Variants in KCND2 observed in about 807,000 individuals in gnomAD.
The protein encoded by KCND2 is potassium voltage-gated channel subfamily D member 2.
KCND2 carries 16 observed loss-of-function variants against 54.4 expected under a neutral mutation model. The observed-to-expected ratio is 0.29, with a 90% confidence interval of 0.20 to 0.45. The LOEUF is 0.45. Ranked by LOEUF, KCND2 falls within the 20% of genes least tolerant of loss-of-function variation. The pLI, the probability that KCND2 is intolerant of heterozygous loss-of-function variation, is 1.00. For missense variants in KCND2, 486 were observed against 824.2 expected, an observed-to-expected ratio of 0.59 and a Z score of 5.02; for synonymous variants, 317 against 310.7, an observed-to-expected ratio of 1.02 and a Z score of -0.21.
At chr7:120,704,935 T>G (rs1792447305) in intron 1 of KCND2, among the ~76,000 whole-genome samples, 2 of 152,154 alleles carry the variant, frequency 1.3e-5, no homozygotes, top group South Asian at 4.1e-4. Flanking sequence ...TTAAATGATA[T>G]AAAGAGTAAA....
intron 1 of KCND2, among the ~76,000 whole-genome samples, chr7:120,405,284 A>G (rs1801334635): frequency 6.6e-6 from 1 of 152,158 alleles, no homozygotes; most frequent in Admixed American, 6.6e-5. Context: ...TGCTAGTTCA[A>G]GCCAACTTTA....
intron 1 of KCND2, among the ~76,000 whole-genome samples, chr7:120,701,455 T>C (rs1275472074): frequency 6.6e-6 from 1 of 152,046 alleles, no homozygotes; most frequent in African/African-American, 2.4e-5. Flanking sequence ...CAAGTGCTCA[T>C]ATTCAAAAGG....
At chr7:120,496,817 T>C (rs1802855202) in intron 1 of KCND2, among the ~76,000 whole-genome samples, 1 of 152,218 alleles carries the variant, frequency 6.6e-6, no homozygotes, top group Non-Finnish European at 1.5e-5. Flanking sequence ...TACTCCAGTT[T>C]GTGTTATAAT....
intron 1 of KCND2, among the ~76,000 whole-genome samples, chr7:120,310,986 T>C (rs1353804736): frequency 1.3e-5 from 2 of 151,798 alleles, no homozygotes; most frequent in Non-Finnish European, 2.9e-5. Flanking sequence ...TTACATATAT[T>C]GCTTGTATTT....
intron 1 of KCND2, among the ~76,000 whole-genome samples, chr7:120,475,286 G>T (rs989836902): frequency 6.6e-6 from 1 of 152,160 alleles, no homozygotes; most frequent in Non-Finnish European, 1.5e-5. Context: ...TAGTGTATAT[G>T]TATCAAGAGA....
Position 120,445,869 on chromosome 7 carries a change from C to T in KCND2, c.1115+170122C>T, listed in dbSNP as rs543479713. Among the ~76,000 whole-genome samples, 10 of 152,160 alleles carry T rather than the reference C, an allele frequency of 6.6e-5. No homozygotes were observed. The East Asian group carries it at 1.7e-3, about 26-fold the overall frequency. The stretch of plus-strand genomic sequence containing the variant: ...AAATAACCAAGAATGGAACCTATTA[C>T]TTAATCTGTATGAAATGTTTTATCT... On this transcript the variant is annotated intron_variant, in intron 1 of 5. Coordinates refer to ENST00000331113, the MANE Select transcript of KCND2 (RefSeq NM_012281.3).
chr7:120,619,616 A>G (rs1026466815), intron 1 of KCND2, among the ~76,000 whole-genome samples: 3 of 152,218 alleles, frequency 2.0e-5, no homozygotes, highest in Admixed American at 1.3e-4. Flanking sequence ...TTCACTGTTC[A>G]TGCAGACACT....
In KCND2 at chr7:120,390,396, A is replaced by T. The variant is rs934002319; in HGVS notation, c.1115+114649A>T. On this transcript the variant is annotated intron_variant, in intron 1 of 5. Transcript: ENST00000331113. ...ATTTACGGAGGATTTACCACATGCC[A>T]GTACTTATGGTCAGCACTTACATAT... is the stretch of plus-strand genomic sequence containing the variant. Among the ~76,000 whole-genome samples the T allele has an allele frequency of 1.4e-4, 22 of 152,126 alleles. 1 individual carries two copies.
Position 120,605,942 on chromosome 7 carries a change from G to T in KCND2, c.1116-126961G>T, listed in dbSNP as rs991252075. On this transcript the variant is annotated intron_variant, in intron 1 of 5. Transcript: ENST00000331113. Reference sequence around the variant, plus strand: ...GTCCACATGTCATAGGAGGGACCTGGTGGAAGGTAATTGAATCATGGGGAC... The same window carrying T: ...GTCCACATGTCATAGGAGGGACCTGTTGGAAGGTAATTGAATCATGGGGAC... Among the ~76,000 whole-genome samples, 8 of 152,270 alleles carry T rather than the reference G, an allele frequency of 5.3e-5. No individual in the cohort carries two copies. In the South Asian group the frequency reaches 1.5e-3, roughly 28 times the overall value.
intron 1 of KCND2, among the ~76,000 whole-genome samples, chr7:120,630,834 T>C (rs1046648683): frequency 6.6e-6 from 1 of 152,180 alleles, no homozygotes; most frequent in Non-Finnish European, 1.5e-5. Flanking sequence ...TGAAAATTAT[T>C]CTTGCCAGAA....
intron 1 of KCND2, among the ~76,000 whole-genome samples, chr7:120,329,957 A>G (rs957974280): frequency 3.9e-5 from 6 of 152,168 alleles, no homozygotes; most frequent in Non-Finnish European, 7.3e-5. Context: ...TTGCATCTGT[A>G]GATTATTAAT....
intron 1 of KCND2, among the ~76,000 whole-genome samples, chr7:120,288,406 T>G (rs1799380588): frequency 6.6e-6 from 1 of 152,106 alleles, no homozygotes; most frequent in Non-Finnish European, 1.5e-5. Flanking sequence ...TAATCACATG[T>G]AAGGGATTTC....
intron 1 of KCND2, among the ~76,000 whole-genome samples, chr7:120,663,783 T>G (rs1791893860): frequency 6.6e-6 from 1 of 152,208 alleles, no homozygotes; most frequent in Non-Finnish European, 1.5e-5. Flanking sequence ...GAGATTGTAG[T>G]GAAAACATGC....
chr7:120,731,654 T>G (rs1792808277), intron 1 of KCND2, among the ~76,000 whole-genome samples: 1 of 152,240 alleles, frequency 6.6e-6, no homozygotes, highest in South Asian at 2.1e-4. Context: ...GGCTGCTATG[T>G]TGGCATGAAT....
rs1203919330 is a variant in KCND2 at position 120,750,279 on chromosome 7, A to C, written c.*2421A>C. 1 of 152,438 alleles carries C rather than the reference A, an allele frequency of 6.6e-6. No homozygotes were observed. The highest frequency in any genetic ancestry group is 2.4e-5 in the African/African-American group (1 of 41,448). The allele number at this position is 152,438 out of a possible 1,614,324, so 9.4% of individuals were successfully genotyped here. A position where few individuals can be genotyped will look rare whatever the true frequency, so the allele number is the denominator to read the frequency against. On this transcript the variant is annotated 3_prime_UTR_variant, in exon 6 of 6. Coordinates refer to ENST00000331113, the MANE Select transcript of KCND2 (RefSeq NM_012281.3). ...GCATAATATCTGCATTATGCTGGAA[A>C]AAAATAGACCTTTGGAGAATACTTA...
intron 1 of KCND2, among the ~76,000 whole-genome samples, chr7:120,443,684 AT>A (rs148084690): frequency 3.4e-5 from 5 of 148,692 alleles, no homozygotes; most frequent in Admixed American, 1.3e-4. Flanking sequence ...GTTAAGACTC[AT>A]TTTTTTTTTC....
chr7:120,644,630 C>T (rs1014075323), intron 1 of KCND2, among the ~76,000 whole-genome samples: 3 of 152,112 alleles, frequency 2.0e-5, no homozygotes, highest in East Asian at 1.9e-4. Context: ...GATGTCATTC[C>T]GACAGAGATA....
intron 1 of KCND2, among the ~76,000 whole-genome samples, chr7:120,317,631 A>G (rs1005475335): frequency 2.6e-5 from 4 of 152,182 alleles, no homozygotes; most frequent in African/African-American, 4.8e-5. Flanking sequence ...AGAATACTGC[A>G]AAGTACAACA....
At chr7:120,408,208 A>T (rs1369059752) in intron 1 of KCND2, among the ~76,000 whole-genome samples, 4 of 151,968 alleles carry the variant, frequency 2.6e-5, no homozygotes, top group Non-Finnish European at 5.9e-5. Context: ...CTAAATGAAA[A>T]ATATCATCAC....
Sources: gnomAD v4.1 joint callset for allele counts (sites outside exome capture counted in the v4.1 genomes callset) on GRCh38, gnomAD v4.1.1 for gene constraint, MANE v1.5 for transcripts, NCBI Gene and HGNC (gene_info 2026-07-23, HGNC 2026-07-21) for gene names.